The following NCKAP5 variants were observed in gnomAD, a reference collection of about 807,000 sequenced individuals.
NCKAP5 encodes the protein nck-associated protein 5.
NCKAP5 carries 92 observed loss-of-function variants against 167.0 expected under a neutral mutation model. That is an observed-to-expected ratio of 0.55 (90% CI 0.47 to 0.66). The LOEUF (loss-of-function observed/expected upper bound fraction) is 0.66. Among genes scored for constraint, NCKAP5 ranks in the 30% least tolerant of loss-of-function variants. The pLI, the probability that NCKAP5 is intolerant of heterozygous loss-of-function variation, is 0.00. For missense variants in NCKAP5, 2,378 were observed against 2,315.0 expected (o/e 1.03, Z -0.56); for synonymous variants, 891 against 877.4 (o/e 1.02, Z -0.27).
intron 1 of NCKAP5, among the ~76,000 whole-genome samples, chr2:133,566,961 T>C (rs565156654): frequency 1.4e-4 from 22 of 152,170 alleles, no homozygotes; most frequent in Non-Finnish European, 3.1e-4. Context: ...CAGTCAAATA[T>C]TTTGAGGCCT....
intron 4 of NCKAP5, among the ~76,000 whole-genome samples, chr2:133,286,140 C>T (rs533528717): frequency 1.1e-4 from 16 of 152,096 alleles, no homozygotes; most frequent in Admixed American, 2.0e-4. Flanking sequence ...GGATTACAGG[C>T]GCCCACTACC....
intron 4 of NCKAP5, among the ~76,000 whole-genome samples, chr2:133,300,464 C>T (rs1392947693): frequency 9.9e-6 from 1 of 101,316 alleles, no homozygotes; most frequent in Non-Finnish European, 1.9e-5. Context: ...GGATGCAAGG[C>T]TGGTTCAATA....
At chr2:133,030,345 C>T (rs2078839495) in intron 6 of NCKAP5, among the ~76,000 whole-genome samples, 1 of 152,190 alleles carries the variant, frequency 6.6e-6, no homozygotes, top group African/African-American at 2.4e-5. Context: ...AGTTGAGGGA[C>T]AGGCCAAGGG....
At chr2:132,735,584 C>T (rs1300124929) in intron 16 of NCKAP5, among the ~76,000 whole-genome samples, 1 of 152,140 alleles carries the variant, frequency 6.6e-6, no homozygotes, top group African/African-American at 2.4e-5. Flanking sequence ...TTCTTTATAG[C>T]AATGTAACAA....
intron 15 of NCKAP5, among the ~76,000 whole-genome samples, chr2:132,775,723 C>A (rs1233683547): frequency 6.6e-6 from 1 of 152,168 alleles, no homozygotes; most frequent in Non-Finnish European, 1.5e-5. Context: ...CCCAAAGGCC[C>A]CCAAACACCT....
chr2:132,865,625 G>A (rs181435204), intron 10 of NCKAP5, among the ~76,000 whole-genome samples: 59 of 152,214 alleles, frequency 3.9e-4, no homozygotes, highest in Admixed American at 7.8e-4. Context: ...ATAACCAGCC[G>A]TTGGATTTCA....
At chr2:133,212,234 A>C (rs1036075113) in intron 5 of NCKAP5, among the ~76,000 whole-genome samples, 1 of 152,206 alleles carries the variant, frequency 6.6e-6, no homozygotes, top group Non-Finnish European at 1.5e-5. Flanking sequence ...AAAAGACTGA[A>C]ACATTACAGA....
At chr2:133,176,264 A>T (rs1383714507) in intron 5 of NCKAP5, among the ~76,000 whole-genome samples, 1 of 152,250 alleles carries the variant, frequency 6.6e-6, no homozygotes, top group Non-Finnish European at 1.5e-5. Flanking sequence ...GAAAAGCCAC[A>T]TCATATCACT....
intron 19 of NCKAP5, among the ~76,000 whole-genome samples, chr2:132,673,510 T>C (rs539752168): frequency 4.4e-4 from 67 of 152,308 alleles, no homozygotes; most frequent in African/African-American, 1.5e-3. Flanking sequence ...TTTACTGAGA[T>C]AAATAGGTCC....
intron 6 of NCKAP5, among the ~76,000 whole-genome samples, chr2:133,100,162 C>G (rs1306987287): frequency 6.6e-6 from 1 of 152,198 alleles, no homozygotes; most frequent in Non-Finnish European, 1.5e-5. Context: ...TTCAAATAAT[C>G]TACAAGCATT....
In NCKAP5 at chr2:132,994,798, TA is replaced by T. The variant is rs551131643; in HGVS notation, c.342-560del. Among the ~76,000 whole-genome samples the T allele has an allele frequency of 3.9e-5, 6 of 152,306 alleles. No individual in the cohort carries two copies. The South Asian group carries it at 1.2e-3, about 32-fold the overall frequency. ...TGATTTTGTCATTTTGCAAACAGCATAGAGTGTACTTATATAAACCCAGATG... is the reference window on the plus strand; with the variant it reads ...TGATTTTGTCATTTTGCAAACAGCATGAGTGTACTTATATAAACCCAGATG... On this transcript the variant is annotated intron_variant, in intron 6 of 19. Transcript: ENST00000409261.
upstream of NCKAP5, among the ~76,000 whole-genome samples, chr2:133,570,097 G>A (rs1199164828): frequency 1.3e-5 from 2 of 152,222 alleles, no homozygotes; most frequent in African/African-American, 4.8e-5. Context: ...GATGTGGACA[G>A]AAGTAGGTTG....
chr2:133,102,445 C>T (rs1264642607), intron 6 of NCKAP5, among the ~76,000 whole-genome samples: 3 of 152,178 alleles, frequency 2.0e-5, no homozygotes, highest in East Asian at 3.9e-4. Context: ...TCACGCCTGG[C>T]CTTTCTTTCT....
At chr2:133,056,132 A>G (rs1324105849) in intron 6 of NCKAP5, among the ~76,000 whole-genome samples, 1 of 151,978 alleles carries the variant, frequency 6.6e-6, no homozygotes. Flanking sequence ...TTTTGTCTGT[A>G]CCACTTTCTC....
chr2:133,364,159 C>T (rs1685302442), intron 3 of NCKAP5, among the ~76,000 whole-genome samples: 1 of 152,002 alleles, frequency 6.6e-6, no homozygotes, highest in African/African-American at 2.4e-5. Context: ...AACAGACTTC[C>T]CAAAATCAGG....
At chr2:133,220,076 A>T (rs888427796) in intron 4 of NCKAP5, among the ~76,000 whole-genome samples, 1 of 152,176 alleles carries the variant, frequency 6.6e-6, no homozygotes, top group Non-Finnish European at 1.5e-5. Context: ...AGAATGCTGG[A>T]TTTGCAAGCT....
At chr2:133,098,872 C>T (rs2081419688) in intron 6 of NCKAP5, among the ~76,000 whole-genome samples, 1 of 151,978 alleles carries the variant, frequency 6.6e-6, no homozygotes, top group African/African-American at 2.4e-5. Flanking sequence ...AAGAAATTAC[C>T]AAGAGCACAA....
At chr2:132,796,972 T>C (rs1684658016) in intron 11 of NCKAP5, among the ~76,000 whole-genome samples, 1 of 152,140 alleles carries the variant, frequency 6.6e-6, no homozygotes, top group Non-Finnish European at 1.5e-5. Context: ...CCTTGGAAGA[T>C]ATGTAGTAGA....
intron 3 of NCKAP5, among the ~76,000 whole-genome samples, chr2:133,370,289 CCAAA>C (rs1396990561): frequency 1.3e-5 from 2 of 152,148 alleles, no homozygotes; most frequent in Non-Finnish European, 2.9e-5. Context: ...TTGCATTTAT[CCAAA>C]CAGCTTTACT....
Sources: allele counts gnomAD v4.1 joint callset (sites outside exome capture counted in the v4.1 genomes callset), GRCh38; gene constraint gnomAD v4.1.1; transcripts MANE v1.5; gene names NCBI Gene and HGNC (gene_info 2026-07-23, HGNC 2026-07-21).